Variants in RTEL1 observed in about 807,000 individuals in gnomAD.
The protein encoded by RTEL1 is regulator of telomere elongation helicase 1, also known as regulator of telomere length.
In RTEL1, 86 loss-of-function variants were observed where a neutral mutation model predicts 162.2. That is an observed-to-expected ratio of 0.53 (90% CI 0.45 to 0.63). RTEL1 has a LOEUF of 0.63. Ranked by LOEUF, RTEL1 falls within the 30% of genes least tolerant of loss-of-function variation. The pLI is 0.00. For synonymous variants in RTEL1, 958 were observed against 717.9 expected (o/e 1.33, Z -5.35); for missense variants, 1,941 against 1,750.2 (o/e 1.11, Z -1.95).
chr20:63,692,342 G>T, intron 28 of RTEL1: 1 of 229,962 alleles, frequency 4.3e-6, no homozygotes, highest in Admixed American at 5.2e-5. Context: ...CGAGGGCCTG[G>T]GTGGGGAGTG....
In RTEL1 at chr20:63,661,469, G is replaced by A. The variant is rs1404412328; in HGVS notation, c.274G>A (p.Ala92Thr). The A allele has an allele frequency of 3.1e-6, 5 of 1,588,286 alleles. No homozygotes were observed. Among genetic ancestry groups the A allele is most frequent in the Non-Finnish European group, 4.3e-6 (5 of 1,163,838 alleles). ...TCGGGCCTTGTCATCCTGGGGCAAC[G>A]CTGCTGCTGCTGCTGGAGACCCCAT... Reference protein sequence around the residue: ...PDRALSSWGNAAAAAGDPIAC... With the variant: ...PDRALSSWGNTAAAAGDPIAC... The change falls in exon 3 of 35, where the codon GCT becomes ACT. Residue 92 changes from alanine (A) to threonine (T), a missense_variant. By Grantham distance (58) the Ala-to-Thr change is moderately conservative. Coordinates refer to ENST00000360203, the MANE Select transcript of RTEL1 (RefSeq NM_001283009.2). The surrounding 1 kb of genome is among the most constrained non-coding windows in gnomAD (Gnocchi z 5.1).
At chr20:63,679,018 T>G (rs754406418) in intron 12 of RTEL1, among the ~76,000 whole-genome samples, 6 of 152,174 alleles carry the variant, frequency 3.9e-5, no homozygotes, top group Non-Finnish European at 7.4e-5. Flanking sequence ...TGAGCACAGG[T>G]GCCTGTTAGA....
At chr20:63,675,164 C>G (rs1485888872) in intron 10 of RTEL1, among the ~76,000 whole-genome samples, 1 of 152,234 alleles carries the variant, frequency 6.6e-6, no homozygotes, top group Non-Finnish European at 1.5e-5. Flanking sequence ...TTCGGCCTCC[C>G]AAAGTGCTGG....
chr20:63,670,837 A>G (rs1222745837), intron 8 of RTEL1, among the ~76,000 whole-genome samples: 1 of 151,608 alleles, frequency 6.6e-6, no homozygotes, highest in African/African-American at 2.4e-5. Context: ...AAAAAGAAAA[A>G]AGAAAAGACT....
rs974996468 is a variant in RTEL1 at position 63,696,182 on chromosome 20, G to A, written c.*324G>A. 4.0e-5 allele frequency: 18 copies of A among 449,052 alleles called. No individual in the cohort carries two copies. In the South Asian group the frequency reaches 5.3e-4, roughly 13 times the overall value. 27.8% of individuals were successfully genotyped at this position (449,052 alleles called of 1,614,324 possible). ...CCTCACCGGGAAGGAGGAGACCCCC[G>A]TGGGCACGTGTCCACTTTTAATCAG... On this transcript the variant is annotated 3_prime_UTR_variant, in exon 35 of 35. Transcript: ENST00000360203.
intron 16 of RTEL1, chr20:63,687,319 G>A (rs1204156187): frequency 1.0e-5 from 3 of 300,028 alleles, no homozygotes; most frequent in African/African-American, 6.5e-5. Flanking sequence ...TGGGCTTCTT[G>A]CCCTGAGCCG....
intron 9 of RTEL1, 56 bp from the exon 10 acceptor site, chr20:63,673,884 C>T (rs2090294265): frequency 6.5e-7 from 1 of 1,531,106 alleles, no homozygotes; most frequent in Admixed American, 2.0e-5. Flanking sequence ...TTTCTGCTTT[C>T]TGGAACCCCC....
At chr20:63,681,310 G>C (rs1431084620) in intron 14 of RTEL1, 2 of 985,246 alleles carry the variant, frequency 2.0e-6, no homozygotes, top group Non-Finnish European at 1.2e-6. Context: ...TTTGTGGAGG[G>C]CACGCCCCAT....
intron 23 of RTEL1, 50 bp downstream of exon 23, chr20:63,689,698 C>G: frequency 6.2e-7 from 1 of 1,604,368 alleles, no homozygotes; most frequent in Non-Finnish European, 8.5e-7. Context: ...GTGACTGAGC[C>G]CCCGCCCCGT....
In RTEL1 at chr20:63,674,063, C is replaced by T. The variant is rs368913453; in HGVS notation, c.889C>T (p.Pro297Ser). The T allele has an allele frequency of 6.2e-7, 1 of 1,613,442 alleles. No individual in the cohort carries two copies. The highest frequency in any genetic ancestry group is 1.7e-5 in the Admixed American group (1 of 59,980). Residue 297 changes from proline to serine, a missense_variant, in exon 10 of 35, where the codon CCG (proline) becomes TCG (serine). Coordinates refer to ENST00000360203, the MANE Select transcript of RTEL1 (RefSeq NM_001283009.2). ...TKAAQQGEPH[P>S]EFSADSPSPG... ...GGCAGCGCAGCAGGGTGAGCCCCACCCGGAGTTCAGCGCGGACTCCCCCAG... is the reference window on the plus strand; with the variant it reads ...GGCAGCGCAGCAGGGTGAGCCCCACTCGGAGTTCAGCGCGGACTCCCCCAG...
intron 6 of RTEL1, 182 bp downstream of exon 6, chr20:63,663,071 A>G (rs1297058690): frequency 1.1e-5 from 7 of 647,650 alleles, no homozygotes; most frequent in African/African-American, 3.6e-5. Flanking sequence ...AAGAGCTCAC[A>G]CAGTGGTCTG....
intron 33 of RTEL1, 38 bp from the exon 34 acceptor site, chr20:63,695,290 G>GC: frequency 6.3e-7 from 1 of 1,587,926 alleles, no homozygotes; most frequent in Non-Finnish European, 8.6e-7. Context: ...GAGCAGCAAA[G>GC]CCCCAGGCCC....
chr20:63,685,432 T>A lies in RTEL1; in HGVS notation c.1192-91T>A, dbSNP rs1601155497. On this transcript the variant is annotated intron_variant, in intron 14 of 34. Transcript: ENST00000360203. Reference sequence around the variant, plus strand: ...GGCCGGTGAACCGATGACCCCTGGGTGTCCTGTGACCTTCTGTGTATGCGG... The same window carrying A: ...GGCCGGTGAACCGATGACCCCTGGGAGTCCTGTGACCTTCTGTGTATGCGG... The A allele has an allele frequency of 2.3e-6, 3 of 1,309,640 alleles. No homozygotes were observed. In the South Asian group the frequency reaches 3.9e-5, roughly 17 times the overall value. 81.1% of individuals were successfully genotyped at this position (1,309,640 alleles called of 1,614,324 possible).
In RTEL1 at chr20:63,688,044, A is replaced by G. The variant is rs1432939717; in HGVS notation, c.1589A>G (p.Asp530Gly). 6.2e-7 allele frequency: 1 copy of G among 1,612,464 alleles called. No individual in the cohort carries two copies. Among genetic ancestry groups the G allele is most frequent in the Non-Finnish European group, 8.5e-7 (1 of 1,179,914 alleles). Residue 530 changes from aspartate to glycine, a missense_variant, in exon 18 of 35, where the codon GAC (aspartate) becomes GGC (glycine). Asp to Gly is a moderately conservative substitution (Grantham distance 94). Transcript: ENST00000360203. ...PDGAQLSSAFDRRFSEECLSS... is the reference protein window; with the variant it reads ...PDGAQLSSAFGRRFSEECLSS... ...GGAGCCCAGTTGAGCTCCGCGTTTG[A>G]CAGACGGTGAGGGCCTGTCCCTGGG... is the stretch of plus-strand genomic sequence containing the variant.
In RTEL1 at chr20:63,658,362, C is replaced by T. The variant is rs982471234; in HGVS notation, c.-275C>T. The T allele has an allele frequency of 6.6e-6, 1 of 152,426 alleles. No individual in the cohort carries two copies. Among genetic ancestry groups the T allele is most frequent in the Non-Finnish European group, 1.5e-5 (1 of 68,072 alleles). 9.4% of individuals were successfully genotyped at this position (152,426 alleles called of 1,614,324 possible). A position where few individuals can be genotyped will look rare whatever the true frequency, so the allele number is the denominator to read the frequency against. On this transcript the variant is annotated 5_prime_UTR_variant, in exon 1 of 35. Transcript: ENST00000360203. ...CTGCGCGCCTCTGCCCGCGAAAACT[C>T]TGAGCTGGCTGACAGCTGGGGACGG...
In RTEL1 at chr20:63,661,664, G is replaced by T. The variant is rs908886786; in HGVS notation, c.301+168G>T. On this transcript the variant is annotated intron_variant, in intron 3 of 34. Coordinates refer to ENST00000360203, the MANE Select transcript of RTEL1 (RefSeq NM_001283009.2). The surrounding 1 kb of genome is among the most constrained non-coding windows in gnomAD (Gnocchi z 5.1). ...CTCGCCATCGTGGGTGTAAACCTAG[G>T]GTTGGGCTTTTTTGCTGAATTAGGG... is the stretch of plus-strand genomic sequence containing the variant. 52 of 928,146 alleles carry T rather than the reference G, an allele frequency of 5.6e-5. 1 individual carries two copies. In the African/African-American group the frequency reaches 7.8e-4, roughly 14 times the overall value. 57.5% of individuals were successfully genotyped at this position (928,146 alleles called of 1,614,324 possible).
chr20:63,688,067 G>T lies in RTEL1; in HGVS notation c.1595+17G>T, dbSNP rs777714134. On this transcript the variant is annotated intron_variant, in intron 18 of 34. Transcript: ENST00000360203. ...TGACAGACGGTGAGGGCCTGTCCCT[G>T]GGCCCTGCTGGGGTGGGAGGTGGGG... The T allele has an allele frequency of 1.2e-6, 2 of 1,611,350 alleles. No individual in the cohort carries two copies. Among genetic ancestry groups the T allele is most frequent in the Non-Finnish European group, 1.7e-6 (2 of 1,178,738 alleles).
intron 31 of RTEL1, 56 bp downstream of exon 31, chr20:63,694,544 T>C (rs2090919704): frequency 7.1e-7 from 1 of 1,414,968 alleles, no homozygotes; most frequent in African/African-American, 1.4e-5. Context: ...CTCAGTGGCT[T>C]CACGAGGCTA....
intron 30 of RTEL1, among the ~76,000 whole-genome samples, chr20:63,694,042 T>C (rs2090898434): frequency 6.6e-6 from 1 of 151,970 alleles, no homozygotes. Flanking sequence ...AGAGTTCCCC[T>C]AGTTCACCCA....
Sources: allele counts gnomAD v4.1 joint callset (sites outside exome capture counted in the v4.1 genomes callset), GRCh38; gene constraint gnomAD v4.1.1; non-coding constraint Gnocchi (gnomAD v3.1); transcripts MANE v1.5; gene names NCBI Gene and HGNC (gene_info 2026-07-23, HGNC 2026-07-21).